NCK1: variants seen among roughly 807,000 people sequenced by gnomAD.
NCK1 encodes the protein SH2/SH3 adapter protein NCK1.
NCK1 carries 19 observed loss-of-function variants against 36.6 expected under a neutral mutation model. The observed-to-expected ratio is 0.52, with a 90% CI of 0.36 to 0.76. NCK1 has a LOEUF of 0.76. Ranked by LOEUF, NCK1 falls within the 30% of genes least tolerant of loss-of-function variation. The pLI is 0.00. For missense variants in NCK1, 358 were observed against 445.6 expected, an observed-to-expected ratio of 0.80 and a Z score of 1.77; for synonymous variants, 165 against 156.0, an observed-to-expected ratio of 1.06 and a Z score of -0.43.
At chr3:136,884,536 G>A (rs151302506) in intron 1 of NCK1, among the ~76,000 whole-genome samples, 4 of 152,136 alleles carry the variant, frequency 2.6e-5, no homozygotes, top group Non-Finnish European at 5.9e-5. Context: ...CGCTTCCTGG[G>A]TTCAGGCGAT....
intron 1 of NCK1, among the ~76,000 whole-genome samples, chr3:136,916,316 C>A (rs1375917457): frequency 4.6e-5 from 7 of 152,102 alleles, no homozygotes; most frequent in Admixed American, 3.9e-4. Context: ...ATGAAAAATT[C>A]TCAAATGTTA....
intron 1 of NCK1, among the ~76,000 whole-genome samples, chr3:136,876,944 A>G (rs1263701213): frequency 6.6e-6 from 1 of 152,192 alleles, no homozygotes; most frequent in East Asian, 1.9e-4. Context: ...TAGAAAAGAC[A>G]TTCCAATTTA....
At chr3:136,917,752 C>A (rs534853456) in intron 1 of NCK1, among the ~76,000 whole-genome samples, 3 of 152,232 alleles carry the variant, frequency 2.0e-5, no homozygotes, top group Admixed American at 1.3e-4. Context: ...ACAGCACTTA[C>A]GAGTTAGAGG....
chr3:136,868,508 A>G (rs966442530), intron 1 of NCK1, among the ~76,000 whole-genome samples: 1 of 151,082 alleles, frequency 6.6e-6, no homozygotes, highest in African/African-American at 2.4e-5. Flanking sequence ...TTGTATTTTT[A>G]GCAGAGACAG....
At chr3:136,916,170 T>C (rs973478858) in intron 1 of NCK1, among the ~76,000 whole-genome samples, 1 of 152,146 alleles carries the variant, frequency 6.6e-6, no homozygotes, top group Admixed American at 6.5e-5. Flanking sequence ...CAATTCGACA[T>C]GAGATTTGGG....
intron 1 of NCK1, among the ~76,000 whole-genome samples, chr3:136,895,422 C>T (rs1030283120): frequency 5.3e-5 from 8 of 151,506 alleles, no homozygotes; most frequent in African/African-American, 1.7e-4. Flanking sequence ...AATTGCCATA[C>T]CACCTTTTTT....
At chr3:136,912,897 A>C (rs1048492892) in intron 1 of NCK1, among the ~76,000 whole-genome samples, 8 of 151,984 alleles carry the variant, frequency 5.3e-5, no homozygotes, top group Non-Finnish European at 1.0e-4. Context: ...GACTCAAGTG[A>C]TCCTTCTGCC....
intron 1 of NCK1, among the ~76,000 whole-genome samples, chr3:136,906,228 C>T (rs1481174210): frequency 1.3e-5 from 2 of 151,966 alleles, no homozygotes; most frequent in African/African-American, 4.8e-5. Context: ...TCTTAGGTGG[C>T]TTAGATTGTG....
intron 2 of NCK1, among the ~76,000 whole-genome samples, chr3:136,937,016 T>C (rs1940547864): frequency 6.6e-6 from 1 of 152,244 alleles, no homozygotes. Context: ...CTTATGCTTT[T>C]AGTGTCAGTA....
At chr3:136,921,524 G>C (rs1396862716) in intron 1 of NCK1, among the ~76,000 whole-genome samples, 2 of 152,204 alleles carry the variant, frequency 1.3e-5, no homozygotes, top group African/African-American at 4.8e-5. Flanking sequence ...TAGTGCCTTT[G>C]TGATGCTTCT....
At chr3:136,880,497 C>T (rs1056109428) in intron 1 of NCK1, among the ~76,000 whole-genome samples, 1 of 152,078 alleles carries the variant, frequency 6.6e-6, no homozygotes, top group African/African-American at 2.4e-5. Context: ...TTCCTAGCAT[C>T]TTCAGAAGGA....
At position 136,932,483 on chromosome 3, in the gene NCK1, A is replaced by C. The variant is rs1679992374; in HGVS notation, c.226+4256A>C. On this transcript the variant is annotated intron_variant, in intron 2 of 3. Coordinates refer to ENST00000481752, the MANE Select transcript of NCK1 (RefSeq NM_001291999.2). ...TACAATGTTTTAAATAAAACAATAA[A>C]AAATAATTTATTTCATGTAGATGAA... Among the ~76,000 whole-genome samples the C allele has an allele frequency of 2.6e-5, 4 of 152,238 alleles. No homozygotes were observed. In the South Asian group the frequency reaches 6.2e-4, roughly 24 times the overall value.
rs574139941 is a variant in NCK1 at position 136,873,167 on chromosome 3, C to T, written c.-19+10814C>T. On this transcript the variant is annotated intron_variant, in intron 1 of 3. Coordinates refer to ENST00000481752, the MANE Select transcript of NCK1 (RefSeq NM_001291999.2). ...GACACTCAATGCAAGCCTGTGAAAG[C>T]AGCCAGGAGAGAGGCTGTACTCTGC... Among the ~76,000 whole-genome samples, 3 of 152,290 alleles carry T rather than the reference C, an allele frequency of 2.0e-5. No homozygotes were observed. In the South Asian group the frequency reaches 6.2e-4, roughly 32 times the overall value.
chr3:136,885,878 G>C (rs1160355859), intron 1 of NCK1, among the ~76,000 whole-genome samples: 4 of 152,136 alleles, frequency 2.6e-5, no homozygotes, highest in Admixed American at 2.6e-4. Context: ...ATGTTATAAA[G>C]TTGGAATGGC....
rs559312692 is a variant in NCK1 at position 136,941,829 on chromosome 3, C to A, written c.227-3754C>A. 1.0e-3 allele frequency among the ~76,000 whole-genome samples: 153 copies of A among 151,914 alleles called. 2 individuals are homozygous for A. Among genetic ancestry groups the A allele is most frequent in the Admixed American group, 9.8e-3 (150 of 15,256 alleles). ...CTGTCCAGTGTTTTTTCATTTTAGC[C>A]TGGAGGATTCTCTTTAGCACTTCTT... On this transcript the variant is annotated intron_variant, in intron 2 of 3. Transcript: ENST00000481752.
At chr3:136,925,271 A>T (rs538995202) in intron 1 of NCK1, among the ~76,000 whole-genome samples, 1 of 152,166 alleles carries the variant, frequency 6.6e-6, no homozygotes, top group East Asian at 1.9e-4. Context: ...AATTATAAAG[A>T]TATTCAGGAT....
chr3:136,933,624 A>G, intron 2 of NCK1, among the ~76,000 whole-genome samples: 1 of 152,142 alleles, frequency 6.6e-6, no homozygotes, highest in East Asian at 1.9e-4. Context: ...AGAATGGTAC[A>G]CTTCCTCAGT....
chr3:136,922,984 T>C (rs1436992663), intron 1 of NCK1, among the ~76,000 whole-genome samples: 1 of 152,186 alleles, frequency 6.6e-6, no homozygotes, highest in African/African-American at 2.4e-5. Context: ...ACTCTGCAAT[T>C]GTTAGAAGTA....
At position 136,921,042 on chromosome 3, in the gene NCK1, G is replaced by A. The variant is rs79593743; in HGVS notation, c.-18-6942G>A. ...ATAGTGTCTTTAAAGAGGTAACTGAGGTAAAATGAGGTCGTTAAGATGGAC... is the reference window on the plus strand; with the variant it reads ...ATAGTGTCTTTAAAGAGGTAACTGAAGTAAAATGAGGTCGTTAAGATGGAC... On this transcript the variant is annotated intron_variant, in intron 1 of 3. Transcript: ENST00000481752. 8.8e-3 allele frequency among the ~76,000 whole-genome samples: 1,333 copies of A among 152,216 alleles called. 7 individuals carry two copies. Among genetic ancestry groups the A allele is most frequent in the Middle Eastern group, 0.027 (8 of 294 alleles).
Sources: gnomAD v4.1 joint callset for allele counts (sites outside exome capture counted in the v4.1 genomes callset) on GRCh38, gnomAD v4.1.1 for gene constraint, MANE v1.5 for transcripts, NCBI Gene and HGNC (gene_info 2026-07-23, HGNC 2026-07-21) for gene names.